The following DENND5B variants were observed in gnomAD, a reference collection of about 807,000 sequenced individuals.
DENND5B encodes DENN domain containing 5B.
A neutral mutation model predicts 140.6 loss-of-function variants in DENND5B; 34 were observed. The observed-to-expected ratio is 0.24, with a 90% CI of 0.18 to 0.32. The LOEUF (loss-of-function observed/expected upper bound fraction) is 0.32, where lower values mean the gene tolerates loss of function less well. DENND5B is among the 10% of genes least tolerant of loss of function. The pLI, the probability that DENND5B is intolerant of heterozygous loss-of-function variation, is 1.00. For missense variants in DENND5B, 1,142 were observed against 1,560.2 expected, an observed-to-expected ratio of 0.73 and a Z score of 4.52; for synonymous variants, 551 against 562.1, an observed-to-expected ratio of 0.98 and a Z score of 0.28.
Position 31,389,414 on chromosome 12 carries a change from GT to G in DENND5B, c.3550del (p.Thr1184ProfsTer6). 1 of 1,612,084 alleles carries G rather than the reference GT, an allele frequency of 6.2e-7. No homozygotes were observed. The highest frequency in any genetic ancestry group is 8.5e-7 in the Non-Finnish European group (1 of 1,179,058). On this transcript the variant is annotated frameshift_variant, in exon 20 of 21. Transcript: ENST00000389082. LOFTEE classifies it high-confidence loss of function. ...DVLIQKSSCK[T>X]FCHYVNAINT... ...AATAGCATTTACGTAGTGGCAGAAGGTTTTGCAGGATGATTTCTGAATAAGG... is the reference window on the plus strand; with the variant it reads ...AATAGCATTTACGTAGTGGCAGAAGGTTTGCAGGATGATTTCTGAATAAGG...
chr12:31,521,929 T>C (rs1388691054), intron 1 of DENND5B, among the ~76,000 whole-genome samples: 1 of 152,244 alleles, frequency 6.6e-6, no homozygotes, highest in Non-Finnish European at 1.5e-5. Context: ...AGTGGCTCTT[T>C]ATGACTGGAT....
At chr12:31,428,296 C>T (rs1010844140) in intron 8 of DENND5B, among the ~76,000 whole-genome samples, 3 of 150,040 alleles carry the variant, frequency 2.0e-5, no homozygotes, top group South Asian at 4.2e-4. Context: ...GAGCCAAGAT[C>T]GTGCCATCGC....
chr12:31,458,748 G>C (rs927412664), intron 4 of DENND5B, among the ~76,000 whole-genome samples: 1 of 152,076 alleles, frequency 6.6e-6, no homozygotes, highest in Non-Finnish European at 1.5e-5. Context: ...TGGGAAATAA[G>C]AACAAATAAA....
chr12:31,395,551 C>A (rs190290733), intron 17 of DENND5B, among the ~76,000 whole-genome samples: 16 of 152,232 alleles, frequency 1.1e-4, no homozygotes, highest in Admixed American at 3.3e-4. Flanking sequence ...TGAGACCGCA[C>A]CACTGCACTC....
At chr12:31,454,008 G>A (rs938073554) in intron 4 of DENND5B, among the ~76,000 whole-genome samples, 3 of 151,980 alleles carry the variant, frequency 2.0e-5, no homozygotes, top group Non-Finnish European at 4.4e-5. Flanking sequence ...TGGGCATGGT[G>A]GCATGCACCT....
chr12:31,577,420 A>G (rs1251550179), intron 1 of DENND5B, among the ~76,000 whole-genome samples: 1 of 152,182 alleles, frequency 6.6e-6, no homozygotes, highest in Non-Finnish European at 1.5e-5. Flanking sequence ...AAACTTAAAA[A>G]TATCTTTAGG....
At chr12:31,446,886 C>CAAAAAA (rs534785761) in intron 6 of DENND5B, among the ~76,000 whole-genome samples, 3 of 71,264 alleles carry the variant, frequency 4.2e-5, no homozygotes, top group Non-Finnish European at 5.7e-5. Flanking sequence ...GACTCCGCCT[C>CAAAAAA]AAAAAAAAAA....
intron 1 of DENND5B, among the ~76,000 whole-genome samples, chr12:31,513,612 C>T (rs1333449033): frequency 6.6e-6 from 1 of 152,066 alleles, no homozygotes; most frequent in Non-Finnish European, 1.5e-5. Context: ...TTTTATTTGG[C>T]TCCTATGCCC....
chr12:31,538,176 A>C (rs1283288126), intron 1 of DENND5B, among the ~76,000 whole-genome samples: 2 of 152,232 alleles, frequency 1.3e-5, no homozygotes, highest in East Asian at 3.8e-4. Flanking sequence ...TAATAGATAC[A>C]TACATAACAT....
At chr12:31,515,701 C>T (rs1180285794) in intron 1 of DENND5B, among the ~76,000 whole-genome samples, 4 of 152,186 alleles carry the variant, frequency 2.6e-5, no homozygotes, top group East Asian at 1.9e-4. Context: ...AAAACTGTTA[C>T]ATAGATATGC....
intron 2 of DENND5B, among the ~76,000 whole-genome samples, chr12:31,489,786 C>T (rs1056034195): frequency 3.9e-5 from 6 of 152,112 alleles, no homozygotes; most frequent in African/African-American, 1.4e-4. Flanking sequence ...CTAAGGTGAC[C>T]TGAGTGCTGG....
At chr12:31,489,705 A>G (rs1469850695) in intron 2 of DENND5B, among the ~76,000 whole-genome samples, 15 of 152,216 alleles carry the variant, frequency 9.9e-5, no homozygotes, top group Non-Finnish European at 1.5e-5. Flanking sequence ...ACAGTTGACT[A>G]CTAGCTAAGT....
chr12:31,468,938 G>C (rs1056367816), intron 3 of DENND5B, among the ~76,000 whole-genome samples: 3 of 151,990 alleles, frequency 2.0e-5, no homozygotes, highest in Non-Finnish European at 4.4e-5. Flanking sequence ...GATATAACAG[G>C]GGTCAAGAAA....
At chr12:31,565,960 G>A (rs1305421192) in intron 1 of DENND5B, among the ~76,000 whole-genome samples, 1 of 151,634 alleles carries the variant, frequency 6.6e-6, no homozygotes, top group Non-Finnish European at 1.5e-5. Flanking sequence ...TGGGCAACAT[G>A]GTAAAGCCCC....
chr12:31,591,027 G>T lies in DENND5B; in HGVS notation c.-195C>A. On this transcript the variant is annotated 5_prime_UTR_variant, in exon 1 of 21. Transcript: ENST00000389082. ...GCGGGGGAAGCGGCCGCGGGCTCGC[G>T]CGCGGCGGGTCCGGAGCCCGGCCGG... 1 of 466,772 alleles carries T rather than the reference G, an allele frequency of 2.1e-6. No individual in the cohort carries two copies. The highest frequency in any genetic ancestry group is 2.8e-6 in the Non-Finnish European group (1 of 355,358). 28.9% of individuals were successfully genotyped at this position (466,772 alleles called of 1,614,324 possible).
intron 8 of DENND5B, among the ~76,000 whole-genome samples, chr12:31,429,403 TTTATTA>T (rs775502388): frequency 5.3e-5 from 8 of 152,148 alleles, no homozygotes; most frequent in South Asian, 2.1e-4. Flanking sequence ...TTTTTATTTA[TTTATTA>T]TTATTATTTT....
intron 2 of DENND5B, among the ~76,000 whole-genome samples, chr12:31,489,289 C>T (rs182156787): frequency 1.0e-3 from 152 of 152,276 alleles, no homozygotes; most frequent in Non-Finnish European, 1.7e-3. Context: ...CCCTCCCTCC[C>T]CTCTTCTCTC....
intron 2 of DENND5B, among the ~76,000 whole-genome samples, chr12:31,488,394 T>TA (rs1273563190): frequency 2.0e-5 from 3 of 152,216 alleles, no homozygotes; most frequent in Non-Finnish European, 4.4e-5. Flanking sequence ...CACAAAATCA[T>TA]AGCTCAACTG....
At chr12:31,556,374 G>T (rs946669745) in intron 1 of DENND5B, among the ~76,000 whole-genome samples, 1 of 151,884 alleles carries the variant, frequency 6.6e-6, no homozygotes, top group Non-Finnish European at 1.5e-5. Flanking sequence ...GCTAATTTTT[G>T]TATTTTTAGT....
Sources: allele counts gnomAD v4.1 joint callset (sites outside exome capture counted in the v4.1 genomes callset), GRCh38; gene constraint gnomAD v4.1.1; transcripts MANE v1.5; gene names NCBI Gene and HGNC (gene_info 2026-07-23, HGNC 2026-07-21).